The following SUPT16H variants were observed in gnomAD, a reference collection of about 807,000 sequenced individuals.
SUPT16H encodes the protein SPT16 homolog, facilitates chromatin remodeling subunit, also known as FACT complex subunit SPT16.
A neutral mutation model predicts 136.2 loss-of-function variants in SUPT16H; 24 were observed. That is an observed-to-expected ratio of 0.18 (90% CI 0.13 to 0.25). The LOEUF is 0.25. Among genes scored for constraint, SUPT16H ranks in the 10% least tolerant of loss-of-function variants. SUPT16H has a pLI of 1.00. For missense variants in SUPT16H, 623 were observed against 1,270.2 expected, an observed-to-expected ratio of 0.49 and a Z score of 7.74; for synonymous variants, 415 against 428.2, an observed-to-expected ratio of 0.97 and a Z score of 0.38.
At chr14:21,383,632 T>C (rs755748977) in intron 1 of SUPT16H, 2 of 707,670 alleles carry the variant, frequency 2.8e-6, no homozygotes, top group Non-Finnish European at 5.2e-6. Flanking sequence ...TGACCAAGGC[T>C]GGCACGCGGG....
intron 4 of SUPT16H, 52 bp downstream of exon 4, chr14:21,370,284 C>T: frequency 6.3e-7 from 1 of 1,583,090 alleles, no homozygotes; most frequent in Non-Finnish European, 8.6e-7. Flanking sequence ...GGAAGCCCAT[C>T]ACATTTCTGT....
In SUPT16H at chr14:21,369,723, T is replaced by A. The variant is rs753055422; in HGVS notation, c.630+27A>T. ...ACTTATTACTGCTTCATTAAAACAG[T>A]AAAAAGACCCTCTCATCTCCATTTA... On this transcript the variant is annotated intron_variant, in intron 5 of 25. Coordinates refer to ENST00000216297, the MANE Select transcript of SUPT16H (RefSeq NM_007192.4). 2.5e-6 allele frequency: 4 copies of A among 1,613,098 alleles called. No homozygotes were observed. In the South Asian group the frequency reaches 4.4e-5, roughly 18 times the overall value.
At chr14:21,362,545 T>G (rs1886579261) in intron 14 of SUPT16H, among the ~76,000 whole-genome samples, 1 of 152,148 alleles carries the variant, frequency 6.6e-6, no homozygotes, top group African/African-American at 2.4e-5. Flanking sequence ...CAACTAAAAG[T>G]TAAACAATGA....
chr14:21,370,311 T>G (rs908711557), intron 4 of SUPT16H, 25 bp downstream of exon 4: 2 of 1,604,652 alleles, frequency 1.2e-6, no homozygotes, highest in African/African-American at 2.7e-5. Flanking sequence ...AACTCTTGAT[T>G]TGCTATTTCC....
At chr14:21,352,950 T>C in intron 25 of SUPT16H, 132 bp from the exon 26 acceptor site, 1 of 1,210,030 alleles carries the variant, frequency 8.3e-7, no homozygotes, top group Non-Finnish European at 1.2e-6. Context: ...AAGTACTTTC[T>C]GAACCTTGGT....
intron 1 of SUPT16H, among the ~76,000 whole-genome samples, chr14:21,375,185 A>G (rs974643443): frequency 1.3e-5 from 2 of 151,698 alleles, no homozygotes; most frequent in African/African-American, 2.4e-5. Flanking sequence ...GCTAATTTTT[A>G]TATTTCTTAG....
At chr14:21,377,576 CTTT>C (rs771328078) in intron 1 of SUPT16H, among the ~76,000 whole-genome samples, 5 of 141,468 alleles carry the variant, frequency 3.5e-5, no homozygotes, top group Non-Finnish European at 1.5e-5. Flanking sequence ...TCTATGCATC[CTTT>C]TTTTTTTTTT....
chr14:21,380,266 A>G (rs1026756354), intron 1 of SUPT16H, among the ~76,000 whole-genome samples: 10 of 150,158 alleles, frequency 6.7e-5, no homozygotes, highest in Admixed American at 4.7e-4. Flanking sequence ...TCCTGGAAGC[A>G]ATCCCTGACA....
intron 22 of SUPT16H, 76 bp from the exon 23 acceptor site, chr14:21,354,616 G>A: frequency 6.4e-7 from 1 of 1,557,920 alleles, no homozygotes. Flanking sequence ...TTTTGAGACA[G>A]AGTCTTGCTC....
rs750289552 is a variant in SUPT16H at position 21,371,985 on chromosome 14, G to A, written c.219C>T (p.Ile73=). The change falls in exon 3 of 26, where the codon ATC becomes ATT. Residue 73 remains isoleucine (I), a synonymous_variant. Coordinates refer to ENST00000216297, the MANE Select transcript of SUPT16H (RefSeq NM_007192.4). ...DTIMVFCDDK[I]IFMASKKKVE... ...CTTTTTTCTTGCTGGCCATAAAGAT[G>A]ATTTTGTCATCACAAAAGACCATGA... 1.2e-6 allele frequency: 2 copies of A among 1,614,000 alleles called. No homozygotes were observed. Among genetic ancestry groups the A allele is most frequent in the South Asian group, 2.2e-5 (2 of 91,072 alleles).
intron 8 of SUPT16H, 91 bp downstream of exon 8, chr14:21,366,348 G>A (rs562120853): frequency 8.3e-7 from 1 of 1,211,170 alleles, no homozygotes; most frequent in Non-Finnish European, 1.2e-6. Flanking sequence ...AATGTTGGCT[G>A]AATCAATCAA....
chr14:21,383,874 G>A lies in SUPT16H; in HGVS notation c.54C>T (p.Tyr18=), dbSNP rs369379023. 2.7e-5 allele frequency: 43 copies of A among 1,613,892 alleles called. No homozygotes were observed. Among genetic ancestry groups the A allele is most frequent in the Non-Finnish European group, 3.6e-5 (43 of 1,180,036 alleles). The change falls in exon 1 of 26, where the codon TAC becomes TAT. Residue 18 remains tyrosine, a synonymous_variant. Coordinates refer to ENST00000216297, the MANE Select transcript of SUPT16H (RefSeq NM_007192.4). ...GGATCTTCCTCACCCGCCAATTGCT[G>A]TACAGTCTCTTCACTCGCCGATAAT... The part of the protein sequence containing the change: ...DAYYRRVKRL[Y]SNWRKGEDEY...
chr14:21,369,271 C>T lies in SUPT16H; in HGVS notation c.715G>A (p.Val239Met). ...ATGATAGGAGGGTAACACATTTCCA[C>T]AGTAGAAGGGTCTGCCCCAGCAAGG... ...KYLAGADPST[V>M]EMCYPPIIQS... The change falls in exon 6 of 26, where the codon GTG (valine) becomes ATG (methionine). Residue 239 changes from valine to methionine, a missense_variant. By Grantham distance (21) the Val-to-Met change is conservative. Around this residue, in one of 7 missense-constraint regions of SUPT16H, gnomAD observed 343 missense variants for 525.7 expected, o/e 0.65. Transcript: ENST00000216297. 1 of 1,614,142 alleles carries T rather than the reference C, an allele frequency of 6.2e-7. No individual in the cohort carries two copies. The highest frequency in any genetic ancestry group is 8.5e-7 in the Non-Finnish European group (1 of 1,180,002).
intron 1 of SUPT16H, among the ~76,000 whole-genome samples, chr14:21,381,173 C>A (rs1397496295): frequency 6.6e-6 from 1 of 151,990 alleles, no homozygotes; most frequent in Admixed American, 6.6e-5. Flanking sequence ...TTTCCCATCT[C>A]TAAAATGACA....
At chr14:21,366,553 TA>T in intron 7 of SUPT16H, 24 bp from the exon 8 acceptor site, 1 of 1,593,894 alleles carries the variant, frequency 6.3e-7, no homozygotes, top group Non-Finnish European at 8.5e-7. Flanking sequence ...ACAAAGGAGA[TA>T]TTAAAGTATC....
chr14:21,358,769 T>G (rs1886487456), intron 19 of SUPT16H, among the ~76,000 whole-genome samples: 1 of 152,228 alleles, frequency 6.6e-6, no homozygotes, highest in South Asian at 2.1e-4. Flanking sequence ...AGCAGATACT[T>G]GAGTTGCTCT....
At chr14:21,378,077 G>C (rs1204594218) in intron 1 of SUPT16H, among the ~76,000 whole-genome samples, 1 of 152,140 alleles carries the variant, frequency 6.6e-6, no homozygotes, top group Non-Finnish European at 1.5e-5. Context: ...AATGTGGGGG[G>C]TGGAAGTGGG....
rs765136362 is a variant in SUPT16H, at chr14:21,365,894, C to T, written c.1046+545G>A. Among the ~76,000 whole-genome samples the T allele has an allele frequency of 6.7e-4, 102 of 152,108 alleles. 1 individual carries two copies. The highest frequency in any genetic ancestry group is 6.8e-3 in the Middle Eastern group (2 of 294). On this transcript the variant is annotated intron_variant, in intron 8 of 25. Coordinates refer to ENST00000216297, the MANE Select transcript of SUPT16H (RefSeq NM_007192.4). The stretch of plus-strand genomic sequence containing the variant: ...AAGGTGGGAGGACTGCTTGAGCCCA[C>T]GAGGTCAAGACCAGCCTGGGCAACA...
chr14:21,366,091 C>T (rs1431696638), intron 8 of SUPT16H, among the ~76,000 whole-genome samples: 3 of 152,104 alleles, frequency 2.0e-5, no homozygotes. Flanking sequence ...AGAGTGAGAC[C>T]CTGTCTCTAA....
Sources: allele counts gnomAD v4.1 joint callset (sites outside exome capture counted in the v4.1 genomes callset), GRCh38; gene constraint gnomAD v4.1.1; regional missense constraint gnomAD v4.1.1; transcripts MANE v1.5; gene names NCBI Gene and HGNC (gene_info 2026-07-23, HGNC 2026-07-21).